OPHN1: variants seen among roughly 807,000 people sequenced by gnomAD.
OPHN1 encodes oligophrenin-1.
Under a neutral mutation model 60.7 loss-of-function variants are expected in OPHN1, and 11 were observed. The observed-to-expected ratio is 0.18, with a 90% CI of 0.11 to 0.30. The LOEUF (loss-of-function observed/expected upper bound fraction) is 0.30. Ranked by LOEUF, OPHN1 falls within the 10% of genes least tolerant of loss-of-function variation. The pLI is 1.00. For synonymous variants in OPHN1, 226 were observed against 222.6 expected, an observed-to-expected ratio of 1.02 and a Z score of -0.14; for missense variants, 449 against 611.0, an observed-to-expected ratio of 0.73 and a Z score of 2.80.
intron 5 of OPHN1, among the ~76,000 whole-genome samples, chrX:68,247,736 T>C (rs753692789): frequency 3.2e-5 from 3 of 93,113 alleles, no homozygotes; most frequent in South Asian, 5.1e-4. Flanking sequence ...CTGGGTAACA[T>C]GGCAAAACCC....
intron 6 of OPHN1, among the ~76,000 whole-genome samples, chrX:68,226,759 C>A (rs773484700): frequency 1.8e-5 from 2 of 111,525 alleles, no homozygotes; most frequent in East Asian, 5.6e-4. Flanking sequence ...ACAACCAGTA[C>A]CAGCCACTGC....
chrX:68,405,335 G>A (rs1477003916), intron 2 of OPHN1, among the ~76,000 whole-genome samples: 1 of 111,041 alleles, frequency 9.0e-6, no homozygotes, highest in Non-Finnish European at 1.9e-5. Context: ...TCCCATACGA[G>A]CACATGACAC....
intron 15 of OPHN1, among the ~76,000 whole-genome samples, chrX:68,187,341 G>T (rs774746468): frequency 4.5e-5 from 5 of 110,988 alleles, no homozygotes; most frequent in Non-Finnish European, 9.4e-5. Flanking sequence ...GATCTGGGTG[G>T]AATGAATGTA....
At chrX:68,269,960 T>G (rs1602286723) in intron 5 of OPHN1, among the ~76,000 whole-genome samples, 1 of 112,036 alleles carries the variant, frequency 8.9e-6, no homozygotes, top group East Asian at 2.8e-4. Context: ...AAAGAAGACA[T>G]TTATGCAGTC....
intron 21 of OPHN1, among the ~76,000 whole-genome samples, chrX:68,054,788 A>G (rs1433472633): frequency 9.0e-6 from 1 of 111,553 alleles, no homozygotes; most frequent in Non-Finnish European, 1.9e-5. Context: ...AAAAAAGTCC[A>G]CAGAAAGTGC....
At chrX:68,217,053 G>A (rs901979834) in intron 6 of OPHN1, among the ~76,000 whole-genome samples, 12 of 111,185 alleles carry the variant, frequency 1.1e-4, no homozygotes, top group Non-Finnish European at 2.3e-4. Flanking sequence ...GACATTGGGC[G>A]GAGGTCAGTG....
At chrX:68,190,969 C>T (rs1363567796) in intron 15 of OPHN1, among the ~76,000 whole-genome samples, 1 of 111,953 alleles carries the variant, frequency 8.9e-6, no homozygotes, top group Admixed American at 9.5e-5. Context: ...AAAAACCACA[C>T]CTGCTATGAC....
chrX:68,138,414 A>T (rs1039934520), intron 15 of OPHN1, among the ~76,000 whole-genome samples: 24 of 112,235 alleles, frequency 2.1e-4, no homozygotes, highest in African/African-American at 7.1e-4. Context: ...TCCTGTTTAT[A>T]AAATAGTAGT....
At chrX:68,303,385 G>A (rs990480512) in intron 2 of OPHN1, among the ~76,000 whole-genome samples, 15 of 111,481 alleles carry the variant, frequency 1.3e-4, no homozygotes, top group African/African-American at 3.9e-4. Flanking sequence ...AGTGGCTCAC[G>A]CCTGTAATCC....
At chrX:68,173,159 C>T in intron 15 of OPHN1, among the ~76,000 whole-genome samples, 1 of 111,167 alleles carries the variant, frequency 9.0e-6, no homozygotes, top group African/African-American at 3.3e-5. Flanking sequence ...TGGTAACATA[C>T]TGGACCCAAT....
intron 5 of OPHN1, among the ~76,000 whole-genome samples, chrX:68,260,794 T>C (rs2077889389): frequency 9.0e-6 from 1 of 111,465 alleles, no homozygotes; most frequent in South Asian, 3.8e-4. Context: ...AACCCAAACA[T>C]GGAAATTCAA....
At position 68,213,439 on chromosome X, in the gene OPHN1, A is replaced by G. The variant is rs1249712510; in HGVS notation, c.597+423T>C. On this transcript the variant is annotated intron_variant, in intron 7 of 24. Coordinates refer to ENST00000355520, the MANE Select transcript of OPHN1 (RefSeq NM_002547.3). ...AAAACGTGAAATGGGAAAAAACTAC[A>G]CAAGACAGAAGTAAAAGTAGTAGAA... 9.0e-5 allele frequency among the ~76,000 whole-genome samples: 10 copies of G among 111,213 alleles called. No homozygotes were observed. In the Admixed American group the frequency reaches 9.6e-4, roughly 11 times the overall value.
At chrX:68,349,020 G>C (rs2078392799) in intron 2 of OPHN1, among the ~76,000 whole-genome samples, 1 of 111,421 alleles carries the variant, frequency 9.0e-6, no homozygotes, top group Non-Finnish European at 1.9e-5. Context: ...GCCATCTAAA[G>C]AAGTTTAAAT....
At chrX:68,351,678 G>C (rs1305830611) in intron 2 of OPHN1, among the ~76,000 whole-genome samples, 1 of 110,319 alleles carries the variant, frequency 9.1e-6, no homozygotes, top group Admixed American at 9.7e-5. Flanking sequence ...AGAAATGTTT[G>C]GTTTTCTGGT....
intron 6 of OPHN1, among the ~76,000 whole-genome samples, chrX:68,215,176 A>G (rs1189163702): frequency 9.0e-6 from 1 of 111,407 alleles, no homozygotes; most frequent in Non-Finnish European, 1.9e-5. Flanking sequence ...TGTAGCAGAA[A>G]TGAAGACTAC....
intron 15 of OPHN1, among the ~76,000 whole-genome samples, chrX:68,154,741 T>C (rs1240041359): frequency 9.0e-6 from 1 of 111,410 alleles, no homozygotes; most frequent in Non-Finnish European, 1.9e-5. Context: ...TATTTCATAT[T>C]TTCTGTGAAA....
intron 23 of OPHN1, among the ~76,000 whole-genome samples, chrX:68,051,610 A>G (rs2076851955): frequency 9.0e-6 from 1 of 111,355 alleles, no homozygotes; most frequent in Non-Finnish European, 1.9e-5. Flanking sequence ...TGTTTATCTT[A>G]GAGTGTAATA....
intron 5 of OPHN1, among the ~76,000 whole-genome samples, chrX:68,263,872 TA>T (rs1289174860): frequency 8.9e-6 from 1 of 112,301 alleles, no homozygotes; most frequent in Non-Finnish European, 1.9e-5. Flanking sequence ...TAATCAAAAT[TA>T]AATGTTAATA....
intron 17 of OPHN1, 101 bp from the exon 18 acceptor site, chrX:68,112,060 T>G: frequency 5.4e-6 from 2 of 367,872 alleles, no homozygotes; most frequent in Non-Finnish European, 9.3e-6. Context: ...CATGCACACA[T>G]GCACACACAC....
Sources: gnomAD v4.1 joint callset for allele counts (sites outside exome capture counted in the v4.1 genomes callset) on GRCh38, gnomAD v4.1.1 for gene constraint, MANE v1.5 for transcripts, NCBI Gene and HGNC (gene_info 2026-07-23, HGNC 2026-07-21) for gene names.